The following GRB10 variants were observed in gnomAD, a reference collection of about 807,000 sequenced individuals.
GRB10 encodes the protein growth factor receptor bound protein 10.
GRB10 carries 20 observed loss-of-function variants against 80.9 expected under a neutral mutation model. The ratio of observed to expected loss-of-function variants is 0.25; its 90% CI spans 0.17 to 0.36. The LOEUF is 0.36. GRB10 is among the 10% of genes least tolerant of loss of function. The probability of loss-of-function intolerance (pLI) is 1.00; values close to 1 mark genes in which losing one functional copy is unlikely to be tolerated. For missense variants in GRB10, 548 were observed against 747.7 expected, an observed-to-expected ratio of 0.73 and a Z score of 3.12; for synonymous variants, 291 against 291.5, an observed-to-expected ratio of 1.00 and a Z score of 0.02.
chr7:50,687,596 G>A (rs892383685), intron 5 of GRB10, among the ~76,000 whole-genome samples: 6 of 152,144 alleles, frequency 3.9e-5, no homozygotes, highest in East Asian at 1.9e-4. Flanking sequence ...ATGCATCTGC[G>A]GATCCTGCCG....
chr7:50,708,274 C>A (rs2065312506), intron 4 of GRB10, among the ~76,000 whole-genome samples: 1 of 151,402 alleles, frequency 6.6e-6, no homozygotes, highest in Admixed American at 6.5e-5. Flanking sequence ...AAGGTCAAAA[C>A]AGAAATGTAC....
chr7:50,730,972 A>G (rs1441141445), intron 4 of GRB10, among the ~76,000 whole-genome samples: 1 of 152,190 alleles, frequency 6.6e-6, no homozygotes, highest in African/African-American at 2.4e-5. Context: ...TGAAGGGTGC[A>G]GTCGGGCCCG....
intron 2 of GRB10, among the ~76,000 whole-genome samples, chr7:50,774,918 C>T (rs1180170676): frequency 6.6e-6 from 1 of 150,986 alleles, no homozygotes; most frequent in Admixed American, 6.6e-5. Context: ...TTGAGGCGGC[C>T]GGACTTCTTG....
chr7:50,690,236 C>T (rs1228878283), intron 5 of GRB10, among the ~76,000 whole-genome samples: 1 of 151,480 alleles, frequency 6.6e-6, no homozygotes, highest in Non-Finnish European at 1.5e-5. Context: ...GTGGAGGTTG[C>T]GATGAGTCAA....
intron 7 of GRB10, among the ~76,000 whole-genome samples, chr7:50,664,162 C>T (rs1034786085): frequency 5.9e-5 from 9 of 152,184 alleles, no homozygotes; most frequent in African/African-American, 2.2e-4. Flanking sequence ...CTTCTGATGT[C>T]GCTGAGCTGA....
intron 4 of GRB10, among the ~76,000 whole-genome samples, chr7:50,704,632 A>G (rs2064785237): frequency 6.6e-6 from 1 of 152,258 alleles, no homozygotes; most frequent in Non-Finnish European, 1.5e-5. Flanking sequence ...CTGTGCCAAA[A>G]GTATAAGATG....
At chr7:50,750,685 T>C (rs2073983478) in intron 3 of GRB10, among the ~76,000 whole-genome samples, 1 of 152,222 alleles carries the variant, frequency 6.6e-6, no homozygotes, top group African/African-American at 2.4e-5. Context: ...AAACAGCCTG[T>C]TGTCAATACC....
At chr7:50,785,791 A>G (rs938042042), upstream of GRB10, among the ~76,000 whole-genome samples, 7 of 152,266 alleles carry the variant, frequency 4.6e-5, no homozygotes, top group Non-Finnish European at 1.0e-4. Flanking sequence ...CAGAAAAATT[A>G]AAAGTAAATC....
chr7:50,627,685 G>C (rs1385255943), intron 7 of GRB10, among the ~76,000 whole-genome samples: 1 of 152,210 alleles, frequency 6.6e-6, no homozygotes, highest in African/African-American at 2.4e-5. Context: ...CAGAGGACGG[G>C]AGTCTATCCC....
chr7:50,696,359 C>T (rs572349851), intron 5 of GRB10, among the ~76,000 whole-genome samples: 3 of 152,344 alleles, frequency 2.0e-5, no homozygotes, highest in South Asian at 2.1e-4. Flanking sequence ...GCTTTACAGA[C>T]GCCTCTTTCC....
chr7:50,789,744 C>G (rs1270995133), intron 1 of GRB10, among the ~76,000 whole-genome samples: 1 of 151,998 alleles, frequency 6.6e-6, no homozygotes, highest in Non-Finnish European at 1.5e-5. Context: ...TATGAATATT[C>G]TAATACAGGG....
intron 7 of GRB10, among the ~76,000 whole-genome samples, chr7:50,656,690 A>G (rs1400130197): frequency 6.6e-6 from 1 of 152,220 alleles, no homozygotes; most frequent in Non-Finnish European, 1.5e-5. Context: ...TTCCAAAGCC[A>G]CCGTGTGCTA....
At chr7:50,758,943 G>A (rs1256772237) in intron 2 of GRB10, among the ~76,000 whole-genome samples, 2 of 152,136 alleles carry the variant, frequency 1.3e-5, no homozygotes, top group Admixed American at 1.3e-4. Flanking sequence ...CCAACACTTT[G>A]GGAAGCCAAG....
At chr7:50,676,344 G>GGGGGGGGGCGGGGGC (rs1563400777) in intron 5 of GRB10, among the ~76,000 whole-genome samples, 1 of 136,012 alleles carries the variant, frequency 7.4e-6, no homozygotes, top group Non-Finnish European at 1.7e-5. Flanking sequence ...CCGGGGGGGG[G>GGGGGGGGGCGGGGGC]GGGGGGTTGT....
chr7:50,765,736 T>A (rs1232527287), intron 2 of GRB10, among the ~76,000 whole-genome samples: 2 of 125,352 alleles, frequency 1.6e-5, no homozygotes, highest in African/African-American at 5.2e-5. Flanking sequence ...TTTCTGCTCA[T>A]TCTTGAAATA....
intron 4 of GRB10, among the ~76,000 whole-genome samples, chr7:50,730,888 C>T (rs2069583853): frequency 6.6e-6 from 1 of 152,230 alleles, no homozygotes; most frequent in Non-Finnish European, 1.5e-5. Flanking sequence ...TCAAGAGAGA[C>T]TTTCCCTTGG....
intron 8 of GRB10, among the ~76,000 whole-genome samples, chr7:50,625,876 G>A (rs750944668): frequency 9.2e-5 from 14 of 152,314 alleles, no homozygotes; most frequent in Middle Eastern, 3.4e-3. Context: ...TCCAGACCTA[G>A]AGGTTTAAAT....
intron 7 of GRB10, among the ~76,000 whole-genome samples, chr7:50,658,894 C>G (rs184192226): frequency 3.3e-5 from 5 of 152,186 alleles, no homozygotes; most frequent in Non-Finnish European, 5.9e-5. Flanking sequence ...GGTGCCGTCA[C>G]GTCGGGCCTT....
intron 4 of GRB10, among the ~76,000 whole-genome samples, chr7:50,707,158 A>G (rs1329386664): frequency 6.6e-6 from 1 of 152,104 alleles, no homozygotes; most frequent in Non-Finnish European, 1.5e-5. Flanking sequence ...AAACTGAAAA[A>G]CCTTCATTTG....
Sources: allele counts gnomAD v4.1 joint callset (sites outside exome capture counted in the v4.1 genomes callset), GRCh38; gene constraint gnomAD v4.1.1; transcripts MANE v1.5; gene names NCBI Gene and HGNC (gene_info 2026-07-23, HGNC 2026-07-21).